The following RASAL2 variants were observed in gnomAD, a reference collection of about 807,000 sequenced individuals.
The protein encoded by RASAL2 is RAS protein activator like 2, also known as ras GTPase-activating protein nGAP.
RASAL2 carries 58 observed loss-of-function variants against 128.9 expected under a neutral mutation model. The ratio of observed to expected loss-of-function variants is 0.45; its 90% CI spans 0.36 to 0.56. RASAL2 has a LOEUF of 0.56. Ranked by LOEUF, RASAL2 falls within the 20% of genes least tolerant of loss-of-function variation. The pLI is 0.00. For missense variants in RASAL2, 1,360 were observed against 1,601.6 expected (o/e 0.85, Z 2.57); for synonymous variants, 561 against 580.8 (o/e 0.97, Z 0.49).
chr1:178,385,944 G>A (rs1468876549), intron 3 of RASAL2, among the ~76,000 whole-genome samples: 1 of 152,098 alleles, frequency 6.6e-6, no homozygotes, highest in African/African-American at 2.4e-5. Context: ...GAAAATTACT[G>A]TACCTATTCA....
At chr1:178,256,621 ATAT>A (rs1303227914) in intron 1 of RASAL2, among the ~76,000 whole-genome samples, 1 of 152,218 alleles carries the variant, frequency 6.6e-6, no homozygotes, top group Non-Finnish European at 1.5e-5. Context: ...TATACAGTAA[ATAT>A]ATAACTTCAC....
chr1:178,464,065 G>A (rs6699087), intron 14 of RASAL2, among the ~76,000 whole-genome samples: 10,309 of 152,104 alleles, frequency 0.068, 1,125 homozygotes, highest in African/African-American at 0.23. Context: ...TATGATATAT[G>A]CAACTTTCTA....
At chr1:178,275,846 T>C (rs1167048300) in intron 1 of RASAL2, among the ~76,000 whole-genome samples, 2 of 152,240 alleles carry the variant, frequency 1.3e-5, no homozygotes, top group Non-Finnish European at 2.9e-5. Flanking sequence ...GTGGATTTAC[T>C]AACTAGACAC....
In RASAL2 at chr1:178,214,598, G is replaced by T. The variant is rs532834893; in HGVS notation, c.203-68966G>T. Among the ~76,000 whole-genome samples, 4 of 147,124 alleles carry T rather than the reference G, an allele frequency of 2.7e-5. No homozygotes were observed. In the South Asian group the frequency reaches 8.7e-4, roughly 32 times the overall value. Reference sequence around the variant, plus strand: ...TTTTGAGACAGAGTCTCGCTCTGTCGCCCAGGCTGGAGTGCAGTGGCGCAA... The same window carrying T: ...TTTTGAGACAGAGTCTCGCTCTGTCTCCCAGGCTGGAGTGCAGTGGCGCAA... On this transcript the variant is annotated intron_variant, in intron 1 of 17. Transcript: ENST00000367649.
intron 8 of RASAL2, among the ~76,000 whole-genome samples, chr1:178,444,984 G>A (rs529169024): frequency 1.3e-5 from 2 of 152,172 alleles, no homozygotes; most frequent in Non-Finnish European, 2.9e-5. Flanking sequence ...TGGAGCAAGG[G>A]GAGCTGACTA....
At chr1:178,356,996 T>C (rs1670847928) in intron 3 of RASAL2, among the ~76,000 whole-genome samples, 1 of 152,192 alleles carries the variant, frequency 6.6e-6, no homozygotes, top group South Asian at 2.1e-4. Flanking sequence ...TGTTTTTGTT[T>C]TTTGCAGTTG....
intron 1 of RASAL2, among the ~76,000 whole-genome samples, chr1:178,116,767 G>A (rs1016844674): frequency 1.3e-5 from 2 of 151,852 alleles, no homozygotes; most frequent in African/African-American, 4.8e-5. Flanking sequence ...CCACCACCAC[G>A]CCTGGCTAAT....
In RASAL2 at chr1:178,457,828, C is replaced by G. The variant is rs766087609; in HGVS notation, c.2536C>G (p.Arg846Gly). The change falls in exon 14 of 18, where the codon CGG becomes GGG. Residue 846 changes from arginine to glycine, a missense_variant. By Grantham distance (125) the Arg-to-Gly change is moderately radical. Coordinates refer to ENST00000367649, the MANE Select transcript of RASAL2 (RefSeq NM_170692.4). Reference protein sequence around the residue: ...DERESSLPNGRSVSLMDLQDT... With the variant: ...DERESSLPNGGSVSLMDLQDT... Reference sequence around the variant, plus strand: ...AAGGGAAAGTAGCCTTCCTAATGGTCGGAGCGTCTCCCTCATGGACCTCCA... The same window carrying G: ...AAGGGAAAGTAGCCTTCCTAATGGTGGGAGCGTCTCCCTCATGGACCTCCA... 1 of 1,614,054 alleles carries G rather than the reference C, an allele frequency of 6.2e-7. No individual in the cohort carries two copies. Among genetic ancestry groups the G allele is most frequent in the East Asian group, 2.2e-5 (1 of 44,888 alleles).
intron 3 of RASAL2, among the ~76,000 whole-genome samples, chr1:178,373,221 A>G (rs1457425696): frequency 8.2e-6 from 1 of 121,664 alleles, no homozygotes; most frequent in Non-Finnish European, 1.7e-5. Flanking sequence ...TCTTATAGTT[A>G]GCATAAGTTT....
intron 5 of RASAL2, among the ~76,000 whole-genome samples, chr1:178,436,093 A>T (rs2102817101): frequency 6.6e-6 from 1 of 152,152 alleles, no homozygotes; most frequent in African/African-American, 2.4e-5. Context: ...GGGGTTACTA[A>T]TGCTATTACA....
intron 1 of RASAL2, chr1:178,121,088 G>C (rs1659701485): frequency 6.6e-6 from 1 of 152,132 alleles, no homozygotes; most frequent in Non-Finnish European, 1.5e-5. Context: ...GTTTTTCCAG[G>C]TGAGTATCGT....
At chr1:178,211,389 A>T (rs1249548475) in intron 1 of RASAL2, among the ~76,000 whole-genome samples, 10 of 152,254 alleles carry the variant, frequency 6.6e-5, no homozygotes, top group East Asian at 5.8e-4. Flanking sequence ...GAGCTTTCTT[A>T]AAAAAGCACA....
intron 5 of RASAL2, among the ~76,000 whole-genome samples, chr1:178,422,247 A>C (rs1675199867): frequency 1.3e-5 from 2 of 152,078 alleles, no homozygotes; most frequent in African/African-American, 4.8e-5. Context: ...TGTTTGATTG[A>C]ATTACCAAGA....
chr1:178,150,641 T>G lies in RASAL2; in HGVS notation c.202+55947T>G, dbSNP rs540658349. 2.4e-3 allele frequency among the ~76,000 whole-genome samples: 369 copies of G among 152,306 alleles called. 1 individual carries two copies. Among genetic ancestry groups the G allele is most frequent in the African/African-American group, 8.6e-3 (358 of 41,566 alleles). On this transcript the variant is annotated intron_variant, in intron 1 of 17. Coordinates refer to ENST00000367649, the MANE Select transcript of RASAL2 (RefSeq NM_170692.4). ...ACACTTCTAAAACCTGTGGCTTCTG[T>G]GGGATTATCTGTTTGTATATTCGTT...
intron 1 of RASAL2, among the ~76,000 whole-genome samples, chr1:178,204,888 G>T (rs1000155086): frequency 6.6e-6 from 1 of 152,104 alleles, no homozygotes; most frequent in Non-Finnish European, 1.5e-5. Flanking sequence ...AAATGTGAAG[G>T]CTTCCAAATT....
At chr1:178,119,125 C>T (rs1213601297) in intron 1 of RASAL2, among the ~76,000 whole-genome samples, 5 of 152,306 alleles carry the variant, frequency 3.3e-5, no homozygotes, top group African/African-American at 1.2e-4. Flanking sequence ...ACCTTGGCCT[C>T]CCAAAGTGCT....
In RASAL2 at chr1:178,321,106, G is replaced by A. The variant is rs539546824; in HGVS notation, c.457+20988G>A. On this transcript the variant is annotated intron_variant, in intron 3 of 17. Transcript: ENST00000367649. ...TTTTATTTATTTATTTTTTTGAGGC[G>A]GAGTCTCATCTCTGTCACCCAGGCT... Among the ~76,000 whole-genome samples, 24 of 151,962 alleles carry A rather than the reference G, an allele frequency of 1.6e-4. No individual in the cohort carries two copies. The South Asian group carries it at 2.1e-3, about 13-fold the overall frequency.
intron 3 of RASAL2, among the ~76,000 whole-genome samples, chr1:178,360,507 C>G (rs183513119): frequency 6.6e-6 from 1 of 152,300 alleles, no homozygotes; most frequent in East Asian, 1.9e-4. Flanking sequence ...GATCCAGCAT[C>G]CACGATATAG....
At chr1:178,408,277 ATTCT>A (rs959599210) in intron 4 of RASAL2, among the ~76,000 whole-genome samples, 10 of 152,184 alleles carry the variant, frequency 6.6e-5, no homozygotes, top group African/African-American at 2.4e-4. Context: ...GTTTATTTAC[ATTCT>A]TTCTTTCCTT....
Sources: gnomAD v4.1 joint callset for allele counts (sites outside exome capture counted in the v4.1 genomes callset) on GRCh38, gnomAD v4.1.1 for gene constraint, MANE v1.5 for transcripts, NCBI Gene and HGNC (gene_info 2026-07-23, HGNC 2026-07-21) for gene names.